ERBB4: variants seen among roughly 807,000 people sequenced by gnomAD.
ERBB4 encodes erb-b2 receptor tyrosine kinase 4.
A neutral mutation model predicts 158.0 loss-of-function variants in ERBB4; 42 were observed. The observed-to-expected ratio is 0.27, with a 90% CI of 0.21 to 0.34. ERBB4 has a LOEUF of 0.34. Ranked by LOEUF, ERBB4 falls within the 10% of genes least tolerant of loss-of-function variation. The pLI, the probability that ERBB4 is intolerant of heterozygous loss-of-function variation, is 1.00. For missense variants in ERBB4, 1,333 were observed against 1,624.1 expected (o/e 0.82, Z 3.08); for synonymous variants, 583 against 558.7 (o/e 1.04, Z -0.61).
intron 5 of ERBB4, among the ~76,000 whole-genome samples, chr2:211,728,872 G>A (rs1163389694): frequency 2.0e-5 from 3 of 151,778 alleles, no homozygotes; most frequent in South Asian, 2.1e-4. Flanking sequence ...CCTGCCAAAT[G>A]AGAAAATTAA....
intron 3 of ERBB4, among the ~76,000 whole-genome samples, chr2:211,852,886 T>G (rs1316509789): frequency 2.6e-5 from 4 of 151,988 alleles, no homozygotes; most frequent in Admixed American, 1.3e-4. Context: ...TACTGGCAGC[T>G]AGAATTTACA....
At chr2:212,323,193 G>C (rs370970858) in intron 1 of ERBB4, among the ~76,000 whole-genome samples, 1 of 150,258 alleles carries the variant, frequency 6.7e-6, no homozygotes, top group South Asian at 2.1e-4. Context: ...ATCACCAAAA[G>C]AACCTCTTTT....
chr2:211,867,685 C>A (rs937578002), intron 3 of ERBB4, among the ~76,000 whole-genome samples: 6 of 152,116 alleles, frequency 3.9e-5, no homozygotes, highest in African/African-American at 1.4e-4. Flanking sequence ...GCCTCAACCT[C>A]CTGAGTAGCT....
chr2:211,435,880 T>C (rs550470622), intron 20 of ERBB4, among the ~76,000 whole-genome samples: 2 of 152,312 alleles, frequency 1.3e-5, no homozygotes, highest in Non-Finnish European at 2.9e-5. Context: ...TTTTTAAGCC[T>C]ATCTTCTCTC....
chr2:212,089,348 T>C (rs2078706191), intron 2 of ERBB4, among the ~76,000 whole-genome samples: 1 of 152,182 alleles, frequency 6.6e-6, no homozygotes, highest in South Asian at 2.1e-4. Context: ...GTATTAGTGC[T>C]TATTCTTCCT....
chr2:211,408,262 T>A (rs988639819), intron 25 of ERBB4, among the ~76,000 whole-genome samples: 14 of 152,298 alleles, frequency 9.2e-5, no homozygotes, highest in African/African-American at 3.4e-4. Context: ...TTCCCAGTAA[T>A]TTACAGCAGA....
intron 3 of ERBB4, among the ~76,000 whole-genome samples, chr2:211,928,750 A>G (rs1180746443): frequency 1.3e-5 from 2 of 152,208 alleles, no homozygotes; most frequent in Non-Finnish European, 2.9e-5. Flanking sequence ...TGAAGAAGTA[A>G]TTACTTGAGT....
At chr2:211,970,595 T>G (rs2081424797) in intron 2 of ERBB4, among the ~76,000 whole-genome samples, 1 of 152,218 alleles carries the variant, frequency 6.6e-6, no homozygotes, top group Non-Finnish European at 1.5e-5. Context: ...TAGTTAGATC[T>G]TCTTGCTGAA....
At chr2:212,443,719 T>C (rs1460065661) in intron 1 of ERBB4, among the ~76,000 whole-genome samples, 1 of 152,196 alleles carries the variant, frequency 6.6e-6, no homozygotes, top group African/African-American at 2.4e-5. Flanking sequence ...GCTTGAAGTA[T>C]CAGTGGCAAA....
At chr2:211,405,905 C>T (rs967730439) in intron 25 of ERBB4, among the ~76,000 whole-genome samples, 44 of 152,108 alleles carry the variant, frequency 2.9e-4, no homozygotes, top group Admixed American at 2.5e-3. Context: ...GTAACGTTAA[C>T]GTCTTCCTAG....
intron 2 of ERBB4, among the ~76,000 whole-genome samples, chr2:211,988,087 T>C (rs2081982689): frequency 6.6e-6 from 1 of 152,204 alleles, no homozygotes; most frequent in African/African-American, 2.4e-5. Flanking sequence ...TTAGGACTTT[T>C]TTATTATCAG....
At chr2:212,515,512 T>A (rs1429464737) in intron 1 of ERBB4, among the ~76,000 whole-genome samples, 1 of 151,982 alleles carries the variant, frequency 6.6e-6, no homozygotes, top group South Asian at 2.1e-4. Flanking sequence ...AAAACAGATA[T>A]TTTAAAATCA....
intron 16 of ERBB4, among the ~76,000 whole-genome samples, chr2:211,648,428 TATG>T (rs1232734936): frequency 1.3e-5 from 2 of 151,834 alleles, no homozygotes; most frequent in African/African-American, 4.8e-5. Flanking sequence ...CAATGGATTT[TATG>T]ATATTAGGAA....
intron 4 of ERBB4, among the ~76,000 whole-genome samples, chr2:211,752,874 T>C (rs6707801): frequency 0.47 from 71,917 of 151,970 alleles, 17,298 homozygotes; most frequent in Middle Eastern, 0.59. Flanking sequence ...TGAGATTTTG[T>C]TGGTAGTTTC....
At chr2:212,231,867 T>G (rs1166235367) in intron 1 of ERBB4, among the ~76,000 whole-genome samples, 1 of 152,216 alleles carries the variant, frequency 6.6e-6, no homozygotes, top group Non-Finnish European at 1.5e-5. Context: ...TATTTAACAA[T>G]TCATTTTTCA....
At chr2:212,276,023 G>C (rs970226335) in intron 1 of ERBB4, among the ~76,000 whole-genome samples, 3 of 151,754 alleles carry the variant, frequency 2.0e-5, no homozygotes, top group Admixed American at 1.3e-4. Context: ...AATACCCTCA[G>C]ATAAGTGGAC....
chr2:211,895,789 A>G (rs1362883356), intron 3 of ERBB4, among the ~76,000 whole-genome samples: 1 of 152,128 alleles, frequency 6.6e-6, no homozygotes, highest in African/African-American at 2.4e-5. Context: ...ATCTATCGTA[A>G]TCTGGCACTT....
At chr2:211,616,130 C>T (rs1396332415) in intron 19 of ERBB4, among the ~76,000 whole-genome samples, 1 of 152,030 alleles carries the variant, frequency 6.6e-6, no homozygotes, top group African/African-American at 2.4e-5. Flanking sequence ...GCCTATTTTG[C>T]CATCCTTGGC....
chr2:212,362,031 T>G (rs986540049), intron 1 of ERBB4, among the ~76,000 whole-genome samples: 1 of 151,682 alleles, frequency 6.6e-6, no homozygotes, highest in Non-Finnish European at 1.5e-5. Context: ...ATAGAAAGTT[T>G]TTTTTACTGA....
Sources: gnomAD v4.1 joint callset for allele counts (sites outside exome capture counted in the v4.1 genomes callset) on GRCh38, gnomAD v4.1.1 for gene constraint, MANE v1.5 for transcripts, NCBI Gene and HGNC (gene_info 2026-07-23, HGNC 2026-07-21) for gene names.